Variants in CDCA7L observed in about 807,000 individuals in gnomAD.
CDCA7L encodes the protein cell division cycle associated 7 like, also known as cell division cycle-associated 7-like protein.
CDCA7L carries 44 observed loss-of-function variants against 57.4 expected under a neutral mutation model. The ratio of observed to expected loss-of-function variants is 0.77; its 90% CI spans 0.60 to 0.98. The LOEUF (loss-of-function observed/expected upper bound fraction) is 0.98, where lower values mean the gene tolerates loss of function less well. Ranked by LOEUF, CDCA7L falls within the 50% of genes least tolerant of loss-of-function variation. CDCA7L has a pLI of 0.00. For synonymous variants in CDCA7L, 236 were observed against 202.8 expected, an observed-to-expected ratio of 1.16 and a Z score of -1.39; for missense variants, 644 against 580.6, an observed-to-expected ratio of 1.11 and a Z score of -1.12.
intron 1 of CDCA7L, among the ~76,000 whole-genome samples, chr7:21,944,000 GA>G (rs2128072276): frequency 6.6e-6 from 1 of 152,306 alleles, no homozygotes; most frequent in East Asian, 1.9e-4. Context: ...ACACATTCCA[GA>G]AACATTTTCT....
intron 1 of CDCA7L, among the ~76,000 whole-genome samples, chr7:21,927,607 T>C (rs1211271808): frequency 6.6e-6 from 1 of 152,152 alleles, no homozygotes; most frequent in Non-Finnish European, 1.5e-5. Context: ...CAAAGATTAT[T>C]TGATACGACA....
intron 1 of CDCA7L, among the ~76,000 whole-genome samples, chr7:21,929,650 A>AAAAAAAAAC: frequency 6.6e-6 from 1 of 150,762 alleles, no homozygotes; most frequent in African/African-American, 2.4e-5. Context: ...AAAAAAAAAA[A>AAAAAAAAAC]AAAAAAGCAG....
chr7:21,920,859 G>A (rs1216792326), intron 1 of CDCA7L, among the ~76,000 whole-genome samples: 1 of 152,176 alleles, frequency 6.6e-6, no homozygotes, highest in African/African-American at 2.4e-5. Flanking sequence ...AATAGCCACT[G>A]AGTTCAGTCC....
At chr7:21,915,632 T>C (rs1213597093) in intron 2 of CDCA7L, among the ~76,000 whole-genome samples, 9 of 77,720 alleles carry the variant, frequency 1.2e-4, no homozygotes, top group Non-Finnish European at 1.6e-4. Flanking sequence ...ACCCCATCAC[T>C]ACTAAAAAAA....
At chr7:21,934,083 G>A (rs764965220) in intron 1 of CDCA7L, among the ~76,000 whole-genome samples, 8 of 152,102 alleles carry the variant, frequency 5.3e-5, no homozygotes, top group Admixed American at 3.9e-4. Flanking sequence ...TCACTACACC[G>A]TAACTTTGTC....
chr7:21,903,992 A>T, intron 8 of CDCA7L, 118 bp downstream of exon 8: 1 of 940,442 alleles, frequency 1.1e-6, no homozygotes, highest in Non-Finnish European at 1.5e-6. Context: ...ATACAAATGG[A>T]AGGGAAAAAC....
intron 1 of CDCA7L, among the ~76,000 whole-genome samples, chr7:21,935,100 T>C (rs1040973017): frequency 1.3e-5 from 2 of 152,166 alleles, no homozygotes. Flanking sequence ...AACACTTTTC[T>C]CAAGTACTTA....
chr7:21,917,633 G>C (rs570289880), intron 1 of CDCA7L, among the ~76,000 whole-genome samples: 3 of 152,268 alleles, frequency 2.0e-5, no homozygotes, highest in Non-Finnish European at 4.4e-5. Context: ...ACCCATTATT[G>C]GTCACTGCAT....
intron 1 of CDCA7L, among the ~76,000 whole-genome samples, chr7:21,938,839 C>G (rs1786253396): frequency 6.6e-6 from 1 of 151,698 alleles, no homozygotes; most frequent in African/African-American, 2.4e-5. Context: ...TCCATCTCTA[C>G]CAGAAATTTT....
chr7:21,936,485 C>G (rs985091872), intron 1 of CDCA7L, among the ~76,000 whole-genome samples: 12 of 152,152 alleles, frequency 7.9e-5, no homozygotes, highest in African/African-American at 2.9e-4. Context: ...CACCAAGTGG[C>G]ATTTATTCTA....
Position 21,908,209 on chromosome 7 carries a change from T to G in CDCA7L, c.602A>C (p.Asp201Ala). ...QREDSTSESE[D>A]DSRDESQESS... ...CTCCTGGCTCTCATCCCGAGAGTCA[T>G]CCTCAGACTCAGAGGTAGAATCTTC... Residue 201 changes from aspartate (D) to alanine (A), a missense_variant, in exon 4 of 10, where the codon GAT becomes GCT. Physicochemically the swap from Asp to Ala is moderately radical, Grantham distance 126. Coordinates refer to ENST00000406877, the MANE Select transcript of CDCA7L (RefSeq NM_018719.5). 6.2e-7 allele frequency: 1 copy of G among 1,611,516 alleles called. No individual in the cohort carries two copies. Among genetic ancestry groups the G allele is most frequent in the Non-Finnish European group, 8.5e-7 (1 of 1,179,440 alleles).
intron 1 of CDCA7L, among the ~76,000 whole-genome samples, chr7:21,921,248 C>G (rs541850081): frequency 1.5e-5 from 2 of 132,540 alleles, no homozygotes; most frequent in East Asian, 4.6e-4. Context: ...AGCACACTTT[C>G]AAAAAAACGG....
At position 21,908,330 on chromosome 7, in the gene CDCA7L, T is replaced by G; in HGVS notation, c.481A>C (p.Ser161Arg). ...CTAGAAAACAACTGCTCGGAAGAAC[T>G]GTTTTTATCTGGTTTGTTGGCCAGC... ...KKLANKPDKN[S>R]SSEQLFSSAR... is the part of the protein sequence containing the mutation. Residue 161 changes from serine to arginine, a missense_variant, in exon 4 of 10, where the codon AGT becomes CGT. Physicochemically the swap from Ser to Arg is moderately radical, Grantham distance 110. Transcript: ENST00000406877. The G allele has an allele frequency of 6.2e-7, 1 of 1,608,182 alleles. No homozygotes were observed. The highest frequency in any genetic ancestry group is 2.2e-5 in the East Asian group (1 of 44,852).
In CDCA7L at chr7:21,906,413, G is replaced by C; in HGVS notation, c.797C>G (p.Thr266Arg). Residue 266 changes from threonine to arginine, a missense_variant, in exon 6 of 10, where the codon ACG (threonine) becomes AGG (arginine). Coordinates refer to ENST00000406877, the MANE Select transcript of CDCA7L (RefSeq NM_018719.5). ...VRRAFSEGQI[T>R]RRMNPTRSAR... Reference sequence around the variant, plus strand: ...ACTCCGGGTTGGGTTCATACGCCGCGTGATCTGTCCCTCCGAGAAGGCCCG... The same window carrying C: ...ACTCCGGGTTGGGTTCATACGCCGCCTGATCTGTCCCTCCGAGAAGGCCCG... 1 of 1,612,870 alleles carries C rather than the reference G, an allele frequency of 6.2e-7. No individual in the cohort carries two copies. The highest frequency in any genetic ancestry group is 1.1e-5 in the South Asian group (1 of 91,022).
Position 21,938,096 on chromosome 7 carries a change from C to T in CDCA7L, c.24+7685G>A, listed in dbSNP as rs555413414. On this transcript the variant is annotated intron_variant, in intron 1 of 9. Coordinates refer to ENST00000406877, the MANE Select transcript of CDCA7L (RefSeq NM_018719.5). ...AAATTAAAAACTTTTGTGCAAAGGGCGCTATCAAGACAGTGAAAAGGCAAC... is the reference window on the plus strand; with the variant it reads ...AAATTAAAAACTTTTGTGCAAAGGGTGCTATCAAGACAGTGAAAAGGCAAC... Among the ~76,000 whole-genome samples the T allele has an allele frequency of 9.2e-5, 14 of 151,966 alleles. No individual in the cohort carries two copies. The South Asian group carries it at 2.9e-3, about 32-fold the overall frequency.
chr7:21,906,084 T>G (rs911812469), intron 6 of CDCA7L, among the ~76,000 whole-genome samples: 8 of 152,342 alleles, frequency 5.3e-5, no homozygotes, highest in African/African-American at 1.7e-4. Context: ...ACTCTCTCTG[T>G]GACCTCCAGC....
chr7:21,910,799 G>A (rs1785293330), intron 3 of CDCA7L, among the ~76,000 whole-genome samples: 1 of 152,064 alleles, frequency 6.6e-6, no homozygotes, highest in African/African-American at 2.4e-5. Context: ...AATCCAGGCA[G>A]GCCTGGGTCA....
Position 21,902,888 on chromosome 7 carries a change from C to T in CDCA7L, c.1334+90G>A, listed in dbSNP as rs769552291. ...GGTTTATATAAGTAAGTAAGTCACA[C>T]GGGAAGGCAACAACTACTTGCCCAG... On this transcript the variant is annotated intron_variant, in intron 9 of 9. Coordinates refer to ENST00000406877, the MANE Select transcript of CDCA7L (RefSeq NM_018719.5). 82 of 1,251,050 alleles carry T rather than the reference C, an allele frequency of 6.6e-5. No individual in the cohort carries two copies. The Middle Eastern group carries it at 8.2e-4, about 12-fold the overall frequency. The allele number at this position is 1,251,050 out of a possible 1,614,324, so 77.5% of individuals were successfully genotyped here. A position where few individuals can be genotyped will look rare whatever the true frequency, so the allele number is the denominator to read the frequency against.
At chr7:21,916,918 G>A in intron 1 of CDCA7L, 24 bp from the exon 2 acceptor site, 1 of 1,613,498 alleles carries the variant, frequency 6.2e-7, no homozygotes, top group Non-Finnish European at 8.5e-7. Context: ...AAAAGAGGCA[G>A]GATTAAACCA....
Sources: allele counts gnomAD v4.1 joint callset (sites outside exome capture counted in the v4.1 genomes callset), GRCh38; gene constraint gnomAD v4.1.1; transcripts MANE v1.5; gene names NCBI Gene and HGNC (gene_info 2026-07-23, HGNC 2026-07-21).